APLP2: variants seen among roughly 807,000 people sequenced by gnomAD.
APLP2 encodes CDEI box-binding protein.
Under a neutral mutation model 89.9 loss-of-function variants are expected in APLP2, and 53 were observed. The observed-to-expected ratio is 0.59, with a 90% confidence interval of 0.47 to 0.74. APLP2 has a LOEUF of 0.74. Among genes scored for constraint, APLP2 ranks in the 30% least tolerant of loss-of-function variants. The pLI is 0.00. For synonymous variants in APLP2, 372 were observed against 348.6 expected, an observed-to-expected ratio of 1.07 and a Z score of -0.75; for missense variants, 973 against 975.9, an observed-to-expected ratio of 1.00 and a Z score of 0.04.
intron 1 of APLP2, chr11:130,101,937 C>A (rs1307403999): frequency 2.2e-6 from 1 of 456,254 alleles, no homozygotes; most frequent in East Asian, 6.9e-5. Flanking sequence ...CTTCTCAGAT[C>A]TGTTGCAGTC....
chr11:130,135,748 G>T (rs1435804254), intron 13 of APLP2, 33 bp downstream of exon 13: 5 of 1,607,822 alleles, frequency 3.1e-6, no homozygotes, highest in Non-Finnish European at 3.4e-6. Flanking sequence ...CTTCTGGGCA[G>T]CAGGGGGAGG....
intron 13 of APLP2, among the ~76,000 whole-genome samples, 156 bp downstream of exon 13, chr11:130,135,871 C>A (rs1433718969): frequency 6.6e-6 from 1 of 152,180 alleles, no homozygotes; most frequent in African/African-American, 2.4e-5. Context: ...CTACTGTGTG[C>A]AAGGACCCTG....
At chr11:130,105,756 T>G (rs1387157038) in intron 1 of APLP2, among the ~76,000 whole-genome samples, 3 of 143,196 alleles carry the variant, frequency 2.1e-5, no homozygotes, top group Non-Finnish European at 3.0e-5. Context: ...CAGGCTGGAG[T>G]GCAATGGTGT....
At chr11:130,070,639 G>A (rs1360236297) in intron 1 of APLP2, 2 of 1,461,424 alleles carry the variant, frequency 1.4e-6, no homozygotes, top group East Asian at 3.0e-5. Flanking sequence ...GGGAGCTCCC[G>A]CGCCAGGCCG....
chr11:130,122,867 G>T (rs1280042796), intron 6 of APLP2, among the ~76,000 whole-genome samples: 3 of 152,192 alleles, frequency 2.0e-5, no homozygotes, highest in African/African-American at 7.2e-5. Flanking sequence ...TCCTAGAATA[G>T]AAATGGTTTT....
chr11:130,069,914 G>A lies in APLP2; in HGVS notation c.-64G>A, dbSNP rs552768120. 1.1e-5 allele frequency: 14 copies of A among 1,267,834 alleles called. No individual in the cohort carries two copies. The South Asian group carries it at 1.8e-4, about 17-fold the overall frequency. The allele number at this position is 1,267,834 out of a possible 1,614,324, so 78.5% of individuals were successfully genotyped here. ...GCTTTAGATGCTTCTGGGTCGCGGT[G>A]TGCTAAGCGAGGAGTCCGAGTGTGT... On this transcript the variant is annotated 5_prime_UTR_variant, in exon 1 of 17. It adds an upstream start codon to the 5' untranslated region. Coordinates refer to ENST00000338167, the MANE Select transcript of APLP2 (RefSeq NM_001142276.2).
chr11:130,109,506 G>T lies in APLP2; in HGVS notation c.183G>T (p.Met61Ile), dbSNP rs761739902. The T allele has an allele frequency of 1.2e-6, 2 of 1,613,804 alleles. No homozygotes were observed. The highest frequency in any genetic ancestry group is 2.2e-5 in the South Asian group (2 of 91,056). Residue 61 changes from methionine (M) to isoleucine (I), a missense_variant, in exon 2 of 17, where the codon ATG becomes ATT. By Grantham distance (10) the Met-to-Ile change is conservative. Coordinates refer to ENST00000338167, the MANE Select transcript of APLP2 (RefSeq NM_001142276.2). Reference protein sequence around the residue: ...QIAMFCGKLNMHVNIQTGKWE... With the variant: ...QIAMFCGKLNIHVNIQTGKWE... ...CAATGTTTTGTGGGAAGTTAAATAT[G>T]CATGTGAACATTCAGACTGGGAAAT... is the stretch of plus-strand genomic sequence containing the variant.
chr11:130,091,812 G>A (rs1480999359), intron 1 of APLP2, among the ~76,000 whole-genome samples: 5 of 149,804 alleles, frequency 3.3e-5, no homozygotes, highest in Admixed American at 1.3e-4. Flanking sequence ...CTGGTCGGGC[G>A]GGGGGCTGAC....
At chr11:130,129,329 A>G in intron 10 of APLP2, 123 bp downstream of exon 10, 1 of 1,186,662 alleles carries the variant, frequency 8.4e-7, no homozygotes, top group Non-Finnish European at 1.2e-6. Flanking sequence ...AGCTAAGGAA[A>G]GATGATGAGG....
At chr11:130,140,572 G>A (rs751101171) in intron 14 of APLP2, 89 bp downstream of exon 14, 10 of 1,115,568 alleles carry the variant, frequency 9.0e-6, no homozygotes, top group South Asian at 3.4e-5. Flanking sequence ...CCAGGTGCAC[G>A]TCTCTGTGTT....
At position 130,123,180 on chromosome 11, in the gene APLP2, A is replaced by G. The variant is rs1021060703; in HGVS notation, c.923-432A>G. On this transcript the variant is annotated intron_variant, in intron 6 of 16. Transcript: ENST00000338167. The surrounding 1 kb of genome is among the most constrained non-coding windows in gnomAD (Gnocchi z 4.0). Reference sequence around the variant, plus strand: ...TTTGTGATTTGCCTTAGAGAACATAAAAGTGGGAAACAATTGTCCGTTCTA... The same window carrying G: ...TTTGTGATTTGCCTTAGAGAACATAGAAGTGGGAAACAATTGTCCGTTCTA... Among the ~76,000 whole-genome samples the G allele has an allele frequency of 1.3e-5, 2 of 152,156 alleles. No individual in the cohort carries two copies. The highest frequency in any genetic ancestry group is 2.9e-5 in the Non-Finnish European group (2 of 68,032).
chr11:130,100,840 G>A (rs1742380575), intron 1 of APLP2, among the ~76,000 whole-genome samples: 1 of 152,152 alleles, frequency 6.6e-6, no homozygotes, highest in African/African-American at 2.4e-5. Context: ...AAGTTTAAAT[G>A]TTAAAAAATC....
chr11:130,071,398 C>T (rs962316221), intron 1 of APLP2, among the ~76,000 whole-genome samples: 3 of 152,204 alleles, frequency 2.0e-5, no homozygotes, highest in African/African-American at 4.8e-5. Context: ...TAACGTTTAT[C>T]TACAGAGGAT....
At position 130,127,829 on chromosome 11, in the gene APLP2, ACT is replaced by A; in HGVS notation, c.1288_1289del (p.Leu430AspfsTer9). 6.2e-7 allele frequency: 1 copy of A among 1,613,928 alleles called. No individual in the cohort carries two copies. The highest frequency in any genetic ancestry group is 8.5e-7 in the Non-Finnish European group (1 of 1,179,848). ...AKNLPKAERQTLIQHFQAMVK... is the reference protein window; with the variant it reads ...AKNLPKAERQXLIQHFQAMVK... ...GAACCTCCCCAAAGCAGAGAGGCAG[ACT>A]CTGATTCAGGTAAGATGCCTTCTCT... On this transcript the variant is annotated frameshift_variant, in exon 9 of 17. Transcript: ENST00000338167. LOFTEE classifies it high-confidence loss of function.
rs111684502 is a variant in APLP2, at chr11:130,129,092, T to C, written c.1341T>C (p.Ser447=). The change falls in exon 10 of 17, where the codon AGT becomes AGC. Residue 447 remains serine (S), a synonymous_variant. Coordinates refer to ENST00000338167, the MANE Select transcript of APLP2 (RefSeq NM_001142276.2). The part of the protein sequence containing the change: ...MVKALEKEAA[S]EKQQLVETHL... ...AAGCTTTAGAGAAGGAAGCAGCCAG[T>C]GAGAAGCAGCAGCTGGTGGAGACCC... 6.2e-7 allele frequency: 1 copy of C among 1,614,142 alleles called. No individual in the cohort carries two copies. Among genetic ancestry groups the C allele is most frequent in the Non-Finnish European group, 8.5e-7 (1 of 1,180,014 alleles).
At chr11:130,111,819 T>G (rs1948611135) in intron 3 of APLP2, among the ~76,000 whole-genome samples, 1 of 152,172 alleles carries the variant, frequency 6.6e-6, no homozygotes, top group Non-Finnish European at 1.5e-5. Context: ...AGGCTTCATT[T>G]GCTCGTTAAA....
At chr11:130,127,991 C>T (rs1039629065) in intron 9 of APLP2, 151 bp downstream of exon 9, 1 of 663,408 alleles carries the variant, frequency 1.5e-6, no homozygotes, top group Non-Finnish European at 2.6e-6. Context: ...TTCTTTTTCA[C>T]CTCAAGTATT....
intron 1 of APLP2, among the ~76,000 whole-genome samples, chr11:130,090,047 A>G (rs201639746): frequency 2.6e-5 from 4 of 152,240 alleles, no homozygotes; most frequent in Admixed American, 2.0e-4. Context: ...GTTGACTGAC[A>G]TAACTGTAAA....
chr11:130,094,180 A>T (rs1179146755), intron 1 of APLP2, among the ~76,000 whole-genome samples: 4 of 151,114 alleles, frequency 2.6e-5, no homozygotes, highest in Admixed American at 2.6e-4. Context: ...CAGCCTCCCA[A>T]GTAACTGGGA....
Sources: allele counts gnomAD v4.1 joint callset (sites outside exome capture counted in the v4.1 genomes callset), GRCh38; gene constraint gnomAD v4.1.1; non-coding constraint Gnocchi (gnomAD v3.1); transcripts MANE v1.5; gene names NCBI Gene and HGNC (gene_info 2026-07-23, HGNC 2026-07-21).